The following YEATS2 variants were observed in gnomAD, a reference collection of about 807,000 sequenced individuals.
YEATS2 encodes the protein YEATS domain containing 2, also known as YEATS domain-containing protein 2.
YEATS2 carries 77 observed loss-of-function variants against 163.2 expected under a neutral mutation model. The observed-to-expected ratio is 0.47, with a 90% confidence interval of 0.39 to 0.57. The LOEUF (loss-of-function observed/expected upper bound fraction) is 0.57. YEATS2 is among the 20% of genes least tolerant of loss of function. The pLI is 0.00. For synonymous variants in YEATS2, 631 were observed against 645.1 expected, an observed-to-expected ratio of 0.98 and a Z score of 0.33; for missense variants, 1,549 against 1,729.8, an observed-to-expected ratio of 0.90 and a Z score of 1.85.
chr3:183,779,698 A>ATTTC (rs1351758546), intron 19 of YEATS2, among the ~76,000 whole-genome samples: 1 of 151,210 alleles, frequency 6.6e-6, no homozygotes, highest in Non-Finnish European at 1.5e-5. Flanking sequence ...TTATTTATTT[A>ATTTC]TTTTTTATAT....
intron 13 of YEATS2, among the ~76,000 whole-genome samples, chr3:183,761,147 G>A (rs1433442514): frequency 6.6e-6 from 1 of 151,962 alleles, no homozygotes; most frequent in Non-Finnish European, 1.5e-5. Context: ...GAGTGCAGTG[G>A]CGTGATCTCG....
rs560996953 is a variant in YEATS2, at chr3:183,804,318, G to A, written c.3784+130G>A. The A allele has an allele frequency of 4.6e-5, 51 of 1,097,518 alleles. No individual in the cohort carries two copies. The Admixed American group carries it at 4.9e-4, about 10-fold the overall frequency. The allele number at this position is 1,097,518 out of a possible 1,614,324, so 68.0% of individuals were successfully genotyped here. A position where few individuals can be genotyped will look rare whatever the true frequency, so the allele number is the denominator to read the frequency against. On this transcript the variant is annotated intron_variant, in intron 27 of 30. Coordinates refer to ENST00000305135, the MANE Select transcript of YEATS2 (RefSeq NM_018023.5). ...TTTCCTACCTCCTGCCGTGTCCTTCGTGGGACCGTGCAGTCCCCATGTTGC... is the reference window on the plus strand; with the variant it reads ...TTTCCTACCTCCTGCCGTGTCCTTCATGGGACCGTGCAGTCCCCATGTTGC...
Position 183,810,504 on chromosome 3 carries a change from T to A in YEATS2, c.4190T>A (p.Ile1397Asn). The A allele has an allele frequency of 6.2e-7, 1 of 1,614,170 alleles. No individual in the cohort carries two copies. The highest frequency in any genetic ancestry group is 8.5e-7 in the Non-Finnish European group (1 of 1,180,014). The change falls in exon 31 of 31, where the codon ATT (isoleucine) becomes AAT (asparagine). Residue 1397 changes from isoleucine to asparagine, a missense_variant. By Grantham distance (149) the Ile-to-Asn change is moderately radical. Transcript: ENST00000305135. ...CCCAAAGAAATTACAGTGAGTAATATTCACCAGGCCATTTGCAACATTCCT... is the reference window on the plus strand; with the variant it reads ...CCCAAAGAAATTACAGTGAGTAATAATCACCAGGCCATTTGCAACATTCCT... ...RIPKEITVSN[I>N]HQAICNIPFL...
chr3:183,771,541 GCC>G (rs1212096997), intron 15 of YEATS2, among the ~76,000 whole-genome samples: 25 of 51,020 alleles, frequency 4.9e-4, no homozygotes, highest in East Asian at 8.7e-4. Context: ...TATTATTCTT[GCC>G]TTTTTTTTTT....
intron 18 of YEATS2, 29 bp downstream of exon 18, chr3:183,776,152 ATCATT>A (rs769517479): frequency 1.1e-4 from 163 of 1,525,118 alleles, no homozygotes; most frequent in Non-Finnish European, 1.4e-4. Context: ...GATATTTTAA[ATCATT>A]TAGCTATTGG....
At chr3:183,775,044 T>C (rs532983385) in intron 17 of YEATS2, among the ~76,000 whole-genome samples, 133 of 152,274 alleles carry the variant, frequency 8.7e-4, no homozygotes, top group Admixed American at 4.3e-3. Context: ...TGAATATTCA[T>C]AGTCCAGGTA....
chr3:183,792,662 C>A (rs1340286154), intron 21 of YEATS2, among the ~76,000 whole-genome samples: 1 of 152,106 alleles, frequency 6.6e-6, no homozygotes, highest in African/African-American at 2.4e-5. Flanking sequence ...GGATTACAGG[C>A]ACCCGCCCTC....
Position 183,697,923 on chromosome 3 carries a change from T to C in YEATS2, c.-90T>C, listed in dbSNP as rs1301016186. 3 of 151,230 alleles carry C rather than the reference T, an allele frequency of 2.0e-5. No homozygotes were observed. The highest frequency in any genetic ancestry group is 4.4e-5 in the Non-Finnish European group (3 of 67,600). 9.4% of individuals were successfully genotyped at this position (151,230 alleles called of 1,614,324 possible). ...GGCAGCTCCGCGGGGCTTCGCCCGC[T>C]CTCTCACCTCGCCGTGCTCTCTCGC... On this transcript the variant is annotated 5_prime_UTR_variant, in exon 1 of 31. Coordinates refer to ENST00000305135, the MANE Select transcript of YEATS2 (RefSeq NM_018023.5).
At chr3:183,769,335 C>T (rs1342124061) in intron 15 of YEATS2, among the ~76,000 whole-genome samples, 2 of 152,186 alleles carry the variant, frequency 1.3e-5, no homozygotes, top group Non-Finnish European at 2.9e-5. Context: ...CTGCCTTGGC[C>T]GAATGCGGAA....
chr3:183,701,334 G>A (rs546309803), intron 1 of YEATS2, among the ~76,000 whole-genome samples: 99 of 152,004 alleles, frequency 6.5e-4, no homozygotes, highest in African/African-American at 2.3e-3. Context: ...TGATCTGCCT[G>A]CCTTGGCCTC....
At chr3:183,807,396 T>A (rs1726327259) in intron 28 of YEATS2, 2 of 339,414 alleles carry the variant, frequency 5.9e-6, no homozygotes, top group South Asian at 6.0e-5. Flanking sequence ...TTACTCTTCA[T>A]CTTGTTTTTC....
chr3:183,775,796 A>C, intron 17 of YEATS2, 119 bp from the exon 18 acceptor site: 1 of 1,477,946 alleles, frequency 6.8e-7, no homozygotes, highest in Non-Finnish European at 9.3e-7. Flanking sequence ...ACGGAGGAAA[A>C]TGGGAAAGAA....
intron 20 of YEATS2, among the ~76,000 whole-genome samples, chr3:183,787,598 CTTACCAGATTTGCAAAAA>C (rs1298269438): frequency 6.6e-6 from 1 of 152,088 alleles, no homozygotes; most frequent in Non-Finnish European, 1.5e-5. Flanking sequence ...AGATATGTCT[CTTACCAGATTTGCAAAAA>C]TTTTCTTGCA....
rs1200621295 is a variant in YEATS2 at position 183,776,102 on chromosome 3, CA to C, written c.2557del (p.Ile853SerfsTer11). 1 of 1,587,138 alleles carries C rather than the reference CA, an allele frequency of 6.3e-7. No individual in the cohort carries two copies. The highest frequency in any genetic ancestry group is 8.6e-7 in the Non-Finnish European group (1 of 1,167,188). ...CTCAGCACCTGACTTACACATCTTACATCCTCAAGCAAACTCCCCAGGTCTG... is the reference window on the plus strand; with the variant it reads ...CTCAGCACCTGACTTACACATCTTACTCCTCAAGCAAACTCCCCAGGTCTG... ...ISQHLTYTSY[I>X]LKQTPQGTFL... On this transcript the variant is annotated frameshift_variant, in exon 18 of 31. Coordinates refer to ENST00000305135, the MANE Select transcript of YEATS2 (RefSeq NM_018023.5). LOFTEE classifies it high-confidence loss of function.
chr3:183,799,012 C>G (rs764844991), intron 23 of YEATS2, 23 bp downstream of exon 23: 1 of 1,579,922 alleles, frequency 6.3e-7, no homozygotes, highest in Admixed American at 1.7e-5. Flanking sequence ...TCACAGAGTT[C>G]TCGTCCAGAA....
At chr3:183,773,485 T>A (rs1391891148) in intron 16 of YEATS2, 148 bp from the exon 17 acceptor site, 1 of 777,060 alleles carries the variant, frequency 1.3e-6, no homozygotes, top group African/African-American at 1.8e-5. Context: ...AATATCAGTC[T>A]TTAAAGCATT....
rs1713623592 is a variant in YEATS2, at chr3:183,697,820, G to GGGGCGGAACGCGCC, written c.-186_-173dup. 6.7e-6 allele frequency: 1 copy of GGGGCGGAACGCGCC among 149,952 alleles called. No homozygotes were observed. Among genetic ancestry groups the GGGGCGGAACGCGCC allele is most frequent in the Non-Finnish European group, 1.5e-5 (1 of 67,356 alleles). The allele number at this position is 149,952 out of a possible 1,614,324, so 9.3% of individuals were successfully genotyped here. On this transcript the variant is annotated 5_prime_UTR_variant, in exon 1 of 31. Coordinates refer to ENST00000305135, the MANE Select transcript of YEATS2 (RefSeq NM_018023.5). ...CCGACGCGCCCAGCTGCTGACGTGC[G>GGGGCGGAACGCGCC]GGGCGGAACGCGCCGGGCGGGCTCC...
Position 183,810,585 on chromosome 3 carries a change from C to G in YEATS2, c.*2C>G. 2.5e-6 allele frequency: 4 copies of G among 1,612,766 alleles called. No individual in the cohort carries two copies. Among genetic ancestry groups the G allele is most frequent in the East Asian group, 2.2e-5 (1 of 44,852 alleles). On this transcript the variant is annotated 3_prime_UTR_variant, in exon 31 of 31. Transcript: ENST00000305135. ...GGAATATTGAATGAGGACCAGTGAG[C>G]GGAGTGAGGTGCCCTGGAGAAGCAG...
rs373938761 is a variant in YEATS2 at position 183,713,693 on chromosome 3, C to T, written c.-19-1451C>T. ...TGAAACTGACTCATGAAATATGTATCATTGCTTAATGAAGCACTTTGGAAG... is the reference window on the plus strand; with the variant it reads ...TGAAACTGACTCATGAAATATGTATTATTGCTTAATGAAGCACTTTGGAAG... On this transcript the variant is annotated intron_variant, in intron 1 of 30. Transcript: ENST00000305135. 1.1e-4 allele frequency among the ~76,000 whole-genome samples: 16 copies of T among 152,314 alleles called. No homozygotes were observed. The East Asian group carries it at 2.1e-3, about 20-fold the overall frequency.
Sources: gnomAD v4.1 joint callset for allele counts (sites outside exome capture counted in the v4.1 genomes callset) on GRCh38, gnomAD v4.1.1 for gene constraint, MANE v1.5 for transcripts, NCBI Gene and HGNC (gene_info 2026-07-23, HGNC 2026-07-21) for gene names.